CFAP74: variants seen among roughly 807,000 people sequenced by gnomAD.
The protein encoded by CFAP74 is cilia- and flagella-associated protein 74.
Under a neutral mutation model 188.9 loss-of-function variants are expected in CFAP74, and 124 were observed. That is an observed-to-expected ratio of 0.66 (90% CI 0.57 to 0.76). The LOEUF (loss-of-function observed/expected upper bound fraction) is 0.76. Ranked by LOEUF, CFAP74 falls within the 30% of genes least tolerant of loss-of-function variation. CFAP74 has a pLI of 0.00. For missense variants in CFAP74, 2,198 were observed against 2,165.2 expected, an observed-to-expected ratio of 1.02 and a Z score of -0.30; for synonymous variants, 956 against 916.7, an observed-to-expected ratio of 1.04 and a Z score of -0.77.
intron 25 of CFAP74, among the ~76,000 whole-genome samples, chr1:1,935,828 G>A (rs1272133946): frequency 2.6e-5 from 4 of 151,776 alleles, no homozygotes; most frequent in Admixed American, 6.6e-5. Context: ...AGCAGAGGAC[G>A]CAGAGCTAAG....
intron 1 of CFAP74, among the ~76,000 whole-genome samples, chr1:1,992,039 CAA>C (rs537739387): frequency 2.3e-5 from 3 of 133,176 alleles, no homozygotes; most frequent in Non-Finnish European, 3.2e-5. Context: ...GACTCCGTCT[CAA>C]AAAAAAAAAA....
At chr1:1,972,476 C>A (rs916171893) in intron 8 of CFAP74, among the ~76,000 whole-genome samples, 1 of 152,268 alleles carries the variant, frequency 6.6e-6, no homozygotes, top group African/African-American at 2.4e-5. Flanking sequence ...TCAAGGGCCT[C>A]TTCTGAAAAG....
At position 1,944,456 on chromosome 1, in the gene CFAP74, C is replaced by T; in HGVS notation, c.2365-4G>A. The T allele has an allele frequency of 6.5e-7, 1 of 1,535,950 alleles. No homozygotes were observed. The highest frequency in any genetic ancestry group is 1.4e-5 in the African/African-American group (1 of 73,168). On this transcript the variant is annotated splice_polypyrimidine_tract_variant and splice_region_variant and intron_variant, in intron 20 of 38. Transcript: ENST00000682832. ...CGCCCACGACCCTGAAATGCAGCTG[C>T]ATATGGACACAGGAGCTCAGCAACA...
intron 25 of CFAP74, among the ~76,000 whole-genome samples, chr1:1,936,634 T>C (rs1365998377): frequency 1.3e-5 from 2 of 152,188 alleles, no homozygotes; most frequent in East Asian, 3.8e-4. Context: ...CCGCGCACAG[T>C]GGCTCACGCC....
rs147639449 is a variant in CFAP74, at chr1:1,998,623, C to A, written c.-20+5078G>T. 4.5e-3 allele frequency among the ~76,000 whole-genome samples: 673 copies of A among 150,298 alleles called. 5 individuals carry two copies. Among genetic ancestry groups the A allele is most frequent in the African/African-American group, 0.016 (640 of 39,716 alleles). On this transcript the variant is annotated intron_variant, in intron 1 of 38. Coordinates refer to ENST00000682832, the MANE Select transcript of CFAP74 (RefSeq NM_001304360.2). Reference sequence around the variant, plus strand: ...GGCGCGGTGGCTCACGCCTGTAATCCCAGCACTTTGGGAGGCCGAGGTGGG... The same window carrying A: ...GGCGCGGTGGCTCACGCCTGTAATCACAGCACTTTGGGAGGCCGAGGTGGG...
At chr1:1,941,482 G>A (rs2102046625) in intron 22 of CFAP74, among the ~76,000 whole-genome samples, 1 of 152,362 alleles carries the variant, frequency 6.6e-6, no homozygotes, top group South Asian at 2.1e-4. Flanking sequence ...CCTGGGAAGA[G>A]CCTTGGATTA....
intron 6 of CFAP74, among the ~76,000 whole-genome samples, chr1:1,980,037 G>A (rs968212121): frequency 4.0e-5 from 6 of 151,360 alleles, no homozygotes; most frequent in African/African-American, 1.2e-4. Context: ...GGCTTCGGAC[G>A]GCGTCTGGCA....
intron 25 of CFAP74, among the ~76,000 whole-genome samples, chr1:1,931,118 G>A (rs986770588): frequency 6.6e-6 from 1 of 152,122 alleles, no homozygotes; most frequent in Non-Finnish European, 1.5e-5. Context: ...GTGACCACAG[G>A]CTCTAAATGC....
In CFAP74 at chr1:1,934,148, C is replaced by T. The variant is rs77112101; in HGVS notation, c.3012-3812G>A. Among the ~76,000 whole-genome samples, 336 of 152,312 alleles carry T rather than the reference C, an allele frequency of 2.2e-3. 1 individual carries two copies. Among genetic ancestry groups the T allele is most frequent in the African/African-American group, 7.7e-3 (321 of 41,562 alleles). On this transcript the variant is annotated intron_variant, in intron 25 of 38. Coordinates refer to ENST00000682832, the MANE Select transcript of CFAP74 (RefSeq NM_001304360.2). Reference sequence around the variant, plus strand: ...TCAAAGTCCTGCGGCCTGAGAAGCCCCTCAGTACTGGGTACAGCAGCATGG... The same window carrying T: ...TCAAAGTCCTGCGGCCTGAGAAGCCTCTCAGTACTGGGTACAGCAGCATGG...
rs369203324 is a variant in CFAP74 at position 1,948,774 on chromosome 1, A to G, written c.2177-1720T>C. ...TGGCTAAATTTTCTTCTTTGTAGAT[A>G]TGGGGTCTCACCATGTAGTACTTTT... On this transcript the variant is annotated intron_variant, in intron 18 of 38. Coordinates refer to ENST00000682832, the MANE Select transcript of CFAP74 (RefSeq NM_001304360.2). Among the ~76,000 whole-genome samples the G allele has an allele frequency of 1.2e-4, 19 of 152,130 alleles. No homozygotes were observed. In the East Asian group the frequency reaches 1.4e-3, roughly 11 times the overall value.
chr1:1,955,895 C>T (rs1169623298), intron 17 of CFAP74, 45 bp from the exon 18 acceptor site: 4 of 1,574,094 alleles, frequency 2.5e-6, no homozygotes, highest in Non-Finnish European at 3.4e-6. Flanking sequence ...TTTCCCACCT[C>T]CTTTTCCCAG....
Position 1,946,986 on chromosome 1 carries a change from T to C in CFAP74, c.2241+4A>G. 6.5e-7 allele frequency: 1 copy of C among 1,534,708 alleles called. No individual in the cohort carries two copies. Among genetic ancestry groups the C allele is most frequent in the Non-Finnish European group, 8.7e-7 (1 of 1,145,600 alleles). On this transcript the variant is annotated splice_donor_region_variant and intron_variant, in intron 19 of 38. Coordinates refer to ENST00000682832, the MANE Select transcript of CFAP74 (RefSeq NM_001304360.2). ...CAGCTATTTTAGGGCCTGAGCTGGC[T>C]GACCTCCCCCAGCGTGATCTCCGTC...
At chr1:1,938,197 TCA>T (rs1242886637) in intron 25 of CFAP74, among the ~76,000 whole-genome samples, 1 of 136,584 alleles carries the variant, frequency 7.3e-6, no homozygotes, top group African/African-American at 2.9e-5. Context: ...TCACATTCAG[TCA>T]CATGCTCACA....
In CFAP74 at chr1:1,924,390, C is replaced by G; in HGVS notation, c.4234+1G>C. 9.2e-6 allele frequency: 6 copies of G among 654,212 alleles called. No homozygotes were observed. Among genetic ancestry groups the G allele is most frequent in the South Asian group, 8.3e-5 (5 of 60,486 alleles). 40.5% of individuals were successfully genotyped at this position (654,212 alleles called of 1,614,324 possible). ...CCACCCACCCCCCACCCCCCGCTCA[C>G]CGACCACCTCCGTCCTCTGGGAGGG... is the stretch of plus-strand genomic sequence containing the variant. On this transcript the variant is annotated splice_donor_variant, in intron 34 of 38. Coordinates refer to ENST00000682832, the MANE Select transcript of CFAP74 (RefSeq NM_001304360.2). LOFTEE classifies it high-confidence loss of function.
Position 2,001,329 on chromosome 1 carries a change from AT to A in CFAP74, c.-20+2371del, listed in dbSNP as rs1339989659. On this transcript the variant is annotated intron_variant, in intron 1 of 38. Transcript: ENST00000682832. ...GTGTTTTTGTTTTGTTTTGTTTTTC[AT>A]TTTGTTTTTTTTTTTTTGAGACGGA... 1.0e-4 allele frequency among the ~76,000 whole-genome samples: 15 copies of A among 148,910 alleles called. No homozygotes were observed. The East Asian group carries it at 3.0e-3, about 29-fold the overall frequency.
Position 1,924,524 on chromosome 1 carries a change from C to T in CFAP74, c.4105-4G>A, listed in dbSNP as rs1306117343. The T allele has an allele frequency of 1.2e-6, 2 of 1,603,214 alleles. No homozygotes were observed. Among genetic ancestry groups the T allele is most frequent in the Admixed American group, 1.7e-5 (1 of 58,918 alleles). ...GGAGCAGAGAGTTGTTCTGCAGCTG[C>T]AGAGAGCAGGCCGCGGTCACTGCCC... On this transcript the variant is annotated splice_polypyrimidine_tract_variant and splice_region_variant and intron_variant, in intron 33 of 38. Transcript: ENST00000682832.
At chr1:1,988,818 A>ACCCCCCC (rs1226784320) in intron 3 of CFAP74, 71 bp downstream of exon 3, 2 of 264,848 alleles carry the variant, frequency 7.6e-6, no homozygotes, top group African/African-American at 5.4e-5. Flanking sequence ...CGCTCCCTTC[A>ACCCCCCC]CCCACCCCCC....
chr1:1,929,527 T>C (rs1032392168), intron 26 of CFAP74, among the ~76,000 whole-genome samples: 2 of 149,806 alleles, frequency 1.3e-5, no homozygotes, highest in Non-Finnish European at 3.0e-5. Flanking sequence ...ATGAAATCCA[T>C]TTTGAATCAC....
intron 37 of CFAP74, 90 bp from the exon 38 acceptor site, chr1:1,922,813 C>T: frequency 6.6e-7 from 1 of 1,516,364 alleles, no homozygotes; most frequent in South Asian, 1.3e-5. Flanking sequence ...GCTCCACTCA[C>T]CCTCCCAGCT....
Sources: allele counts gnomAD v4.1 joint callset (sites outside exome capture counted in the v4.1 genomes callset), GRCh38; gene constraint gnomAD v4.1.1; transcripts MANE v1.5; gene names NCBI Gene and HGNC (gene_info 2026-07-23, HGNC 2026-07-21).